Variants in FGF13 observed in about 807,000 individuals in gnomAD.
FGF13 encodes fibroblast growth factor 13.
Under a neutral mutation model 19.5 loss-of-function variants are expected in FGF13, and 2 were observed. The ratio of observed to expected loss-of-function variants is 0.10; its 90% confidence interval spans 0.04 to 0.32. The LOEUF is 0.32. Ranked by LOEUF, FGF13 falls within the 10% of genes least tolerant of loss-of-function variation. The pLI is 1.00. For synonymous variants in FGF13, 72 were observed against 76.9 expected (o/e 0.94, Z 0.33); for missense variants, 113 against 192.7 (o/e 0.59, Z 2.45).
Position 138,734,635 on chromosome X carries a change from A to T in FGF13, c.28+4607T>A, listed in dbSNP as rs778311997. ...GGACACAAACCAAATTTTCACATAC[A>T]TTTAAGTCCCTGGTTAATTTATACC... is the stretch of plus-strand genomic sequence containing the variant. On this transcript the variant is annotated intron_variant, in intron 1 of 4. Coordinates refer to the FGF13 transcript ENST00000305414. Among the ~76,000 whole-genome samples, 15 of 111,945 alleles carry T rather than the reference A, an allele frequency of 1.3e-4. No individual in the cohort carries two copies. In the East Asian group the frequency reaches 4.3e-3, roughly 32 times the overall value.
intron 1 of FGF13, among the ~76,000 whole-genome samples, chrX:138,877,235 T>C (rs181430252): frequency 0.037 from 4,075 of 110,297 alleles, 170 homozygotes; most frequent in African/African-American, 0.13. Context: ...TCTGTTTTTT[T>C]TTTAAGAAGA....
rs1437081005 is a variant in FGF13, at chrX:138,625,520, T to TAC, written c.*7329_*7330insGT. On this transcript the variant is annotated 3_prime_UTR_variant, in exon 5 of 5. Coordinates refer to ENST00000315930, the MANE Select transcript of FGF13 (RefSeq NM_004114.5). ...ATACATATATATATATAATATAATA[T>TAC]ATATATATATCTTAGCCATATAAAG... 5 of 95,783 alleles carry TAC rather than the reference T, an allele frequency of 5.2e-5. No homozygotes were observed. The highest frequency in any genetic ancestry group is 2.0e-4 in the African/African-American group (5 of 24,716). 7.9% of individuals were successfully genotyped at this position (95,783 alleles called of 1,213,427 possible).
chrX:138,978,212 T>C (rs1326369632), intron 1 of FGF13, among the ~76,000 whole-genome samples: 2 of 109,275 alleles, frequency 1.8e-5, no homozygotes, highest in Non-Finnish European at 3.8e-5. Context: ...CTTGCCTCTG[T>C]GTAAATTTAA....
At chrX:139,040,866 T>A (rs1174815816) in intron 1 of FGF13, among the ~76,000 whole-genome samples, 1 of 110,987 alleles carries the variant, frequency 9.0e-6, no homozygotes, top group Non-Finnish European at 1.9e-5. Flanking sequence ...CATGGAATAC[T>A]ATGAAGCTGT....
intron 2 of FGF13, among the ~76,000 whole-genome samples, chrX:138,863,064 C>T (rs1210004332): frequency 1.8e-5 from 2 of 111,010 alleles, no homozygotes; most frequent in Non-Finnish European, 3.8e-5. Context: ...CCTTGTACCC[C>T]TTTATGTCCT....
intron 1 of FGF13, among the ~76,000 whole-genome samples, chrX:139,120,594 C>A (rs970334444): frequency 8.9e-6 from 1 of 111,996 alleles, no homozygotes; most frequent in Admixed American, 9.4e-5. Context: ...CTGGGGCCTC[C>A]CAAGCTGGGT....
rs1320091394 is a variant in FGF13 at position 139,024,274 on chromosome X, C to T, written c.-112-159624G>A. Among the ~76,000 whole-genome samples, 3 of 111,219 alleles carry T rather than the reference C, an allele frequency of 2.7e-5. No homozygotes were observed. In the East Asian group the frequency reaches 8.5e-4, roughly 32 times the overall value. On this transcript the variant is annotated intron_variant, in intron 1 of 2. Coordinates refer to the FGF13 transcript ENST00000421460. ...TTGAAAGCTGTATCTAAGCAAGCTC[C>T]CAGCTTGGTAAGAAAAACTGACATA...
At position 139,000,313 on chromosome X, in the gene FGF13, A is replaced by G. The variant is rs184017507; in HGVS notation, c.-112-135663T>C. Among the ~76,000 whole-genome samples, 556 of 112,018 alleles carry G rather than the reference A, an allele frequency of 5.0e-3. 1 individual carries two copies. Among genetic ancestry groups the G allele is most frequent in the Non-Finnish European group, 7.6e-3 (407 of 53,218 alleles). On this transcript the variant is annotated intron_variant, in intron 1 of 2. Coordinates refer to the FGF13 transcript ENST00000421460. ...CCCTCTGTCACCACTCCTATTCAAC[A>G]TAGTATTGTAAGTTCTGGTCAGAGC...
intron 3 of FGF13, among the ~76,000 whole-genome samples, chrX:138,650,311 G>T (rs184829074): frequency 8.9e-6 from 1 of 111,854 alleles, no homozygotes; most frequent in East Asian, 2.8e-4. Context: ...ATTAGAAGCG[G>T]CAGCAGCTAA....
rs1341339072 is a variant in FGF13, at chrX:138,624,424, C to CA, written c.*8425dup. 1.8e-5 allele frequency: 2 copies of CA among 111,962 alleles called. No homozygotes were observed. Among genetic ancestry groups the CA allele is most frequent in the Non-Finnish European group, 3.8e-5 (2 of 53,230 alleles). 9.2% of individuals were successfully genotyped at this position (111,962 alleles called of 1,213,427 possible). On this transcript the variant is annotated 3_prime_UTR_variant, in exon 5 of 5. Coordinates refer to ENST00000315930, the MANE Select transcript of FGF13 (RefSeq NM_004114.5). ...CCTATACCATACACAAAAATCAACT[C>CA]AAAATCGATTAAAAACTTAAACATA...
intron 1 of FGF13, among the ~76,000 whole-genome samples, chrX:139,139,520 G>T (rs1603217637): frequency 2.7e-5 from 3 of 112,392 alleles, no homozygotes; most frequent in Admixed American, 1.9e-4. Context: ...TCCAGTTAAA[G>T]GTACCAAGAA....
At chrX:138,856,079 T>C (rs1056278920), downstream of FGF13, among the ~76,000 whole-genome samples, 8 of 110,862 alleles carry the variant, frequency 7.2e-5, no homozygotes, top group Admixed American at 4.9e-4. Context: ...AATTTTTTTG[T>C]TTCATTAAAG....
chrX:139,064,674 T>C (rs947176012), intron 1 of FGF13, among the ~76,000 whole-genome samples: 13 of 111,433 alleles, frequency 1.2e-4, no homozygotes, highest in African/African-American at 4.2e-4. Flanking sequence ...TCTCAAGGAA[T>C]ATCTTTGTGG....
Position 138,627,605 on chromosome X carries a change from G to GTGTGTA in FGF13, c.*5244_*5245insTACACA, listed in dbSNP as rs1251541103. The GTGTGTA allele has an allele frequency of 1.1e-5, 1 of 91,403 alleles. No individual in the cohort carries two copies. Among genetic ancestry groups the GTGTGTA allele is most frequent in the African/African-American group, 4.4e-5 (1 of 22,567 alleles). The allele number at this position is 91,403 out of a possible 1,213,427, so 7.5% of individuals were successfully genotyped here. On this transcript the variant is annotated 3_prime_UTR_variant, in exon 5 of 5. Transcript: ENST00000315930. The stretch of plus-strand genomic sequence containing the variant: ...ATCTAGTGTGTGTGTGCCTGTGTGT[G>GTGTGTA]TGTGTGTGTGTGTGTGTGTGTGCGC...
Position 139,126,586 on chromosome X carries a change from G to T in FGF13, c.-113+76830C>A, listed in dbSNP as rs1180756679. On this transcript the variant is annotated intron_variant, in intron 1 of 2. Coordinates refer to the FGF13 transcript ENST00000421460. ...CTGCTTCAATGAACAGGCTTGGCTG[G>T]CCTGTATTTTTAATGTCACACAAAG... is the stretch of plus-strand genomic sequence containing the variant. Among the ~76,000 whole-genome samples the T allele has an allele frequency of 9.0e-5, 10 of 111,390 alleles. No homozygotes were observed. The Admixed American group carries it at 9.5e-4, about 11-fold the overall frequency.
chrX:138,989,036 T>C (rs2092004444), intron 1 of FGF13, among the ~76,000 whole-genome samples: 1 of 111,579 alleles, frequency 9.0e-6, no homozygotes, highest in Non-Finnish European at 1.9e-5. Context: ...GGCTACCACT[T>C]ATAGATGAGT....
At chrX:139,157,524 C>T (rs901021026) in intron 1 of FGF13, among the ~76,000 whole-genome samples, 4 of 112,210 alleles carry the variant, frequency 3.6e-5, no homozygotes, top group Middle Eastern at 9.2e-3. Flanking sequence ...CTTGTTCTTC[C>T]CTTCTTAACA....
intron 3 of FGF13, among the ~76,000 whole-genome samples, chrX:138,801,976 G>A (rs923038476): frequency 8.9e-6 from 1 of 112,164 alleles, no homozygotes; most frequent in African/African-American, 3.2e-5. Context: ...TGCTGCGCTG[G>A]CAGCAGGAAT....
intron 1 of FGF13, among the ~76,000 whole-genome samples, chrX:139,158,211 A>AT (rs34372473): frequency 0.24 from 23,961 of 101,758 alleles, 2,532 homozygotes; most frequent in Non-Finnish European, 0.33. Flanking sequence ...TAGCTGCAGC[A>AT]TTTTTTTTTT....
Sources: allele counts gnomAD v4.1 joint callset (sites outside exome capture counted in the v4.1 genomes callset), GRCh38; gene constraint gnomAD v4.1.1; transcripts MANE v1.5; gene names NCBI Gene and HGNC (gene_info 2026-07-23, HGNC 2026-07-21).